The following CERT1 variants were observed in gnomAD, a reference collection of about 807,000 sequenced individuals.
CERT1 encodes ceramide transfer protein.
A neutral mutation model predicts 87.9 loss-of-function variants in CERT1; 31 were observed. The observed-to-expected ratio is 0.35, with a 90% confidence interval of 0.27 to 0.48. CERT1 has a LOEUF of 0.48. Ranked by LOEUF, CERT1 falls within the 20% of genes least tolerant of loss-of-function variation. The pLI is 0.99. For synonymous variants in CERT1, 289 were observed against 250.9 expected (o/e 1.15, Z -1.44); for missense variants, 487 against 758.0 (o/e 0.64, Z 4.20).
intron 11 of CERT1, among the ~76,000 whole-genome samples, chr5:75,391,920 G>T (rs1762039696): frequency 1.3e-5 from 2 of 152,182 alleles, no homozygotes; most frequent in African/African-American, 2.4e-5. Flanking sequence ...GGTTACCTAT[G>T]AAAGAAGAAT....
chr5:75,418,936 A>T (rs969322044), intron 6 of CERT1, among the ~76,000 whole-genome samples: 1 of 152,218 alleles, frequency 6.6e-6, no homozygotes, highest in Non-Finnish European at 1.5e-5. Flanking sequence ...ATCAAATTAT[A>T]CACTTTAAAT....
At chr5:75,502,625 T>C (rs888772435) in intron 2 of CERT1, among the ~76,000 whole-genome samples, 1 of 152,154 alleles carries the variant, frequency 6.6e-6, no homozygotes, top group Non-Finnish European at 1.5e-5. Context: ...AATCCTTGTA[T>C]AGTCCTACAT....
chr5:75,459,151 T>A lies in CERT1; in HGVS notation c.262A>T (p.Ile88Phe). The change falls in exon 3 of 17, where the codon ATT becomes TTT. Residue 88 changes from isoleucine to phenylalanine, a missense_variant. By Grantham distance (21) the Ile-to-Phe change is conservative. This residue lies in a region of CERT1 where 173 missense variants were observed against 302.2 expected (regional missense o/e 0.57). Coordinates refer to ENST00000643780, the MANE Select transcript of CERT1 (RefSeq NM_001379029.1). Reference protein sequence around the residue: ...PHDFDECRFDISVNDSVWYLR... With the variant: ...PHDFDECRFDFSVNDSVWYLR... ...TACCAAACACTATCATTTACACTAA[T>A]ATCAAATCGACATTCATCAAAATCG... 6.2e-7 allele frequency: 1 copy of A among 1,611,808 alleles called. No individual in the cohort carries two copies. The highest frequency in any genetic ancestry group is 1.1e-5 in the South Asian group (1 of 91,062).
chr5:75,481,502 A>G (rs1270101765), intron 2 of CERT1, among the ~76,000 whole-genome samples: 1 of 152,210 alleles, frequency 6.6e-6, no homozygotes, highest in African/African-American at 2.4e-5. Flanking sequence ...AAAAGATGTT[A>G]AAATAACAAA....
At chr5:75,487,253 AG>A (rs1419332189) in intron 2 of CERT1, among the ~76,000 whole-genome samples, 1 of 152,096 alleles carries the variant, frequency 6.6e-6, no homozygotes, top group Admixed American at 6.6e-5. Context: ...TTCAATAAAT[AG>A]TGCTAGGAAA....
chr5:75,511,561 C>CG lies in CERT1; in HGVS notation c.-355dup, dbSNP rs1768006004. ...AGGGAAAAGAAGGGAAGAGAAAATC[C>CG]GGCCGCTGAGTCCCGCGTCCACTCA... On this transcript the variant is annotated 5_prime_UTR_variant, in exon 1 of 17. Coordinates refer to ENST00000643780, the MANE Select transcript of CERT1 (RefSeq NM_001379029.1). 6.9e-7 allele frequency: 1 copy of CG among 1,457,234 alleles called. No individual in the cohort carries two copies. The highest frequency in any genetic ancestry group is 1.4e-5 in the South Asian group (1 of 71,052). 90.3% of individuals were successfully genotyped at this position (1,457,234 alleles called of 1,614,324 possible).
At chr5:75,382,790 T>C (rs1015624009) in intron 14 of CERT1, among the ~76,000 whole-genome samples, 1 of 151,886 alleles carries the variant, frequency 6.6e-6, no homozygotes, top group African/African-American at 2.4e-5. Flanking sequence ...ATACAAATCA[T>C]TTGCAAGATG....
At chr5:75,506,165 G>C (rs781605909) in intron 1 of CERT1, 49 bp from the exon 2 acceptor site, 1 of 1,569,038 alleles carries the variant, frequency 6.4e-7, no homozygotes, top group South Asian at 1.2e-5. Context: ...AAAAATAGAA[G>C]TATTTTAGAA....
intron 2 of CERT1, among the ~76,000 whole-genome samples, chr5:75,503,923 C>CATTTACATTAAATGTTTA: frequency 6.7e-6 from 1 of 150,012 alleles, no homozygotes; most frequent in Non-Finnish European, 1.5e-5. Context: ...TTAAAATTTT[C>CATTTACATTAAATGTTTA]TTTTCTCCAA....
At chr5:75,393,622 A>AAAAAAAAAAAAAAAAAAAAAAAC in intron 11 of CERT1, among the ~76,000 whole-genome samples, 1 of 145,970 alleles carries the variant, frequency 6.9e-6, no homozygotes, top group Non-Finnish European at 1.5e-5. Context: ...AAAAAAAAAA[A>AAAAAAAAAAAAAAAAAAAAAAAC]AGAAAGTCTA....
intron 2 of CERT1, among the ~76,000 whole-genome samples, chr5:75,490,894 T>C (rs1766758731): frequency 6.6e-6 from 1 of 152,196 alleles, no homozygotes; most frequent in South Asian, 2.1e-4. Flanking sequence ...TGAGTACAAT[T>C]CTTTTTGCAT....
chr5:75,377,474 C>T (rs917634529), downstream of CERT1: 6 of 152,134 alleles, frequency 3.9e-5, no homozygotes, highest in South Asian at 2.1e-4. Flanking sequence ...CTGTAATATT[C>T]GCCAATGCAG....
intron 3 of CERT1, among the ~76,000 whole-genome samples, chr5:75,442,767 G>A (rs532661603): frequency 3.7e-3 from 562 of 152,166 alleles, no homozygotes; most frequent in Non-Finnish European, 6.2e-3. Context: ...AGAGGGAGGG[G>A]GAAATAGGGG....
At chr5:75,447,066 T>C (rs1205662698) in intron 3 of CERT1, among the ~76,000 whole-genome samples, 1 of 152,154 alleles carries the variant, frequency 6.6e-6, no homozygotes. Flanking sequence ...CCCACAAGTG[T>C]ATGGATTGCT....
rs553214815 is a variant in CERT1, at chr5:75,507,295, GA to G, written c.97-1180del. Among the ~76,000 whole-genome samples, 787 of 152,060 alleles carry G rather than the reference GA, an allele frequency of 5.2e-3. 5 individuals are homozygous for G. The highest frequency in any genetic ancestry group is 0.011 in the South Asian group (52 of 4,822). On this transcript the variant is annotated intron_variant, in intron 1 of 16. Transcript: ENST00000643780. Reference sequence around the variant, plus strand: ...CCCCACATCTGGCTAATTTTTTGTAGAAATGAGGTTTCGCTATGGTGCCAAG... The same window carrying G: ...CCCCACATCTGGCTAATTTTTTGTAGAATGAGGTTTCGCTATGGTGCCAAG...
intron 4 of CERT1, among the ~76,000 whole-genome samples, chr5:75,425,847 CTT>C (rs1418327016): frequency 1.3e-5 from 2 of 152,170 alleles, no homozygotes; most frequent in African/African-American, 4.8e-5. Context: ...CTGTGAAAGA[CTT>C]TGAAATGGGA....
At chr5:75,391,992 A>G (rs1179993350) in intron 11 of CERT1, among the ~76,000 whole-genome samples, 1 of 152,194 alleles carries the variant, frequency 6.6e-6, no homozygotes, top group African/African-American at 2.4e-5. Context: ...TAATTTTCTA[A>G]TGCTACTTAG....
intron 2 of CERT1, among the ~76,000 whole-genome samples, chr5:75,498,552 T>C (rs1767186765): frequency 6.6e-6 from 1 of 152,212 alleles, no homozygotes; most frequent in Admixed American, 6.5e-5. Context: ...GTTCAGGCCA[T>C]TGCTTCAGAG....
At chr5:75,467,650 GAAAA>G (rs58587061) in intron 2 of CERT1, among the ~76,000 whole-genome samples, 3 of 132,970 alleles carry the variant, frequency 2.3e-5, no homozygotes, top group Admixed American at 1.6e-4. Context: ...CCAAAAAAAA[GAAAA>G]AAAAAAAAAA....
Sources: allele counts gnomAD v4.1 joint callset (sites outside exome capture counted in the v4.1 genomes callset), GRCh38; gene constraint gnomAD v4.1.1; regional missense constraint gnomAD v4.1.1; transcripts MANE v1.5; gene names NCBI Gene and HGNC (gene_info 2026-07-23, HGNC 2026-07-21).